The following CPQ variants were observed in gnomAD, a reference collection of about 807,000 sequenced individuals.
CPQ encodes the protein carboxypeptidase Q, also known as Ser-Met dipeptidase.
Under a neutral mutation model 45.7 loss-of-function variants are expected in CPQ, and 37 were observed. The ratio of observed to expected loss-of-function variants is 0.81; its 90% CI spans 0.62 to 1.07. The LOEUF is 1.07. CPQ is among the 50% of genes least tolerant of loss of function. The pLI, the probability that CPQ is intolerant of heterozygous loss-of-function variation, is 0.00. For missense variants in CPQ, 537 were observed against 572.9 expected (o/e 0.94, Z 0.64); for synonymous variants, 186 against 205.8 (o/e 0.90, Z 0.82).
intron 1 of CPQ, among the ~76,000 whole-genome samples, chr8:96,673,605 C>G (rs987214060): frequency 6.6e-6 from 1 of 152,036 alleles, no homozygotes; most frequent in Non-Finnish European, 1.5e-5. Flanking sequence ...TGATTTAGTT[C>G]TAGGAAGTCA....
At chr8:96,920,877 CTG>C (rs1812796785) in intron 4 of CPQ, among the ~76,000 whole-genome samples, 1 of 152,142 alleles carries the variant, frequency 6.6e-6, no homozygotes, top group Non-Finnish European at 1.5e-5. Context: ...AGCCTCCAAA[CTG>C]TGAGAAATAC....
chr8:97,078,951 T>C lies in CPQ; in HGVS notation c.1255+12741T>C, dbSNP rs547952757. 2.1e-3 allele frequency among the ~76,000 whole-genome samples: 325 copies of C among 152,058 alleles called. 2 individuals carry two copies. The highest frequency in any genetic ancestry group is 3.6e-3 in the Non-Finnish European group (242 of 67,948). On this transcript the variant is annotated intron_variant, in intron 7 of 7. Transcript: ENST00000220763. ...TAGCTAGGACTACAGGCTGGCGCCATTGTGCCCAGCTAATTTTTTTAAAAT... is the reference window on the plus strand; with the variant it reads ...TAGCTAGGACTACAGGCTGGCGCCACTGTGCCCAGCTAATTTTTTTAAAAT...
chr8:96,981,726 T>A (rs896441387), intron 5 of CPQ, among the ~76,000 whole-genome samples: 1 of 152,166 alleles, frequency 6.6e-6, no homozygotes, highest in African/African-American at 2.4e-5. Context: ...ATGCAAAACA[T>A]CTACCTAAGA....
chr8:96,951,853 G>T (rs201360214), intron 4 of CPQ, among the ~76,000 whole-genome samples: 8 of 149,282 alleles, frequency 5.4e-5, no homozygotes, highest in African/African-American at 2.0e-4. Flanking sequence ...AGAGAGAATT[G>T]TTTTTTTTTT....
At chr8:96,742,620 T>C (rs1459566715) in intron 1 of CPQ, among the ~76,000 whole-genome samples, 1 of 152,200 alleles carries the variant, frequency 6.6e-6, no homozygotes, top group African/African-American at 2.4e-5. Flanking sequence ...GTACCGGTTG[T>C]TCCTTTCCAT....
In CPQ at chr8:96,834,073, A is replaced by G. The variant is rs1811494575; in HGVS notation, c.434-900A>G. 2.0e-5 allele frequency among the ~76,000 whole-genome samples: 3 copies of G among 152,204 alleles called. No individual in the cohort carries two copies. In the South Asian group the frequency reaches 6.2e-4, roughly 32 times the overall value. On this transcript the variant is annotated intron_variant, in intron 2 of 7. Coordinates refer to ENST00000220763, the MANE Select transcript of CPQ (RefSeq NM_016134.4). ...CACTTTCTTTCTTTTAGATATATTT[A>G]GCCACTGCATCTGGCCTTTGTTGCC...
At chr8:97,095,546 C>A (rs1162432756) in intron 7 of CPQ, among the ~76,000 whole-genome samples, 3 of 152,178 alleles carry the variant, frequency 2.0e-5, no homozygotes, top group Non-Finnish European at 2.9e-5. Context: ...AACTCTTGAG[C>A]ATGACATATT....
intron 5 of CPQ, among the ~76,000 whole-genome samples, chr8:97,019,062 A>AT (rs1378050885): frequency 2.0e-5 from 3 of 152,224 alleles, no homozygotes; most frequent in African/African-American, 7.2e-5. Flanking sequence ...GCTAGAAGGG[A>AT]TTGGGGCCCT....
chr8:97,094,852 T>C (rs1811184957), intron 7 of CPQ, among the ~76,000 whole-genome samples: 1 of 152,114 alleles, frequency 6.6e-6, no homozygotes, highest in African/African-American at 2.4e-5. Context: ...CATTCCTCCT[T>C]CCAGTGCATC....
chr8:96,661,599 G>C (rs984169195), intron 1 of CPQ, among the ~76,000 whole-genome samples: 5 of 152,034 alleles, frequency 3.3e-5, no homozygotes, highest in African/African-American at 1.2e-4. Flanking sequence ...TCTCCTCCCT[G>C]TCTCTTTATG....
intron 4 of CPQ, among the ~76,000 whole-genome samples, chr8:96,919,573 C>T (rs1431433173): frequency 6.6e-6 from 1 of 152,112 alleles, no homozygotes; most frequent in Non-Finnish European, 1.5e-5. Context: ...TGGGCTGAAA[C>T]TAGAATTTCA....
chr8:96,675,888 C>T (rs1330103952), intron 1 of CPQ, among the ~76,000 whole-genome samples: 1 of 151,848 alleles, frequency 6.6e-6, no homozygotes, highest in Non-Finnish European at 1.5e-5. Flanking sequence ...TATGTGAAAA[C>T]TCTTTTTTAA....
In CPQ at chr8:96,854,956, A is replaced by G. The variant is rs572005980; in HGVS notation, c.641+19776A>G. 5.3e-5 allele frequency among the ~76,000 whole-genome samples: 8 copies of G among 152,194 alleles called. 1 individual carries two copies. Among genetic ancestry groups the G allele is most frequent in the Non-Finnish European group, 7.3e-5 (5 of 68,048 alleles). ...TTTCCAGAAAGGGAACCATGGCCAT[A>G]AATGTCATGGGAAGGTATTTAGTGG... On this transcript the variant is annotated intron_variant, in intron 3 of 7. Transcript: ENST00000220763.
At chr8:96,708,251 C>T (rs1809559504) in intron 1 of CPQ, among the ~76,000 whole-genome samples, 1 of 152,006 alleles carries the variant, frequency 6.6e-6, no homozygotes, top group African/African-American at 2.4e-5. Context: ...AAGATAGTCT[C>T]CTTATTTTAA....
At chr8:97,087,021 C>A (rs1238090602) in intron 7 of CPQ, among the ~76,000 whole-genome samples, 1 of 152,110 alleles carries the variant, frequency 6.6e-6, no homozygotes, top group Non-Finnish European at 1.5e-5. Flanking sequence ...TTTAATAAAC[C>A]TCATTATTTG....
chr8:96,762,964 T>C (rs924575965), intron 1 of CPQ, among the ~76,000 whole-genome samples: 3 of 152,162 alleles, frequency 2.0e-5, no homozygotes, highest in African/African-American at 7.2e-5. Context: ...ATATATTTTT[T>C]CACAATTCTT....
At chr8:97,094,758 T>TATA (rs776786367) in intron 7 of CPQ, among the ~76,000 whole-genome samples, 1 of 151,600 alleles carries the variant, frequency 6.6e-6, no homozygotes, top group Non-Finnish European at 1.5e-5. Flanking sequence ...GCCATTAAAA[T>TATA]ATATATATAT....
At chr8:96,858,588 A>G (rs1811885366) in intron 3 of CPQ, among the ~76,000 whole-genome samples, 1 of 152,140 alleles carries the variant, frequency 6.6e-6, no homozygotes, top group Non-Finnish European at 1.5e-5. Flanking sequence ...CTTCCTGCCC[A>G]CCAGTCTCTC....
At chr8:97,044,722 G>A (rs1225700401) in intron 6 of CPQ, among the ~76,000 whole-genome samples, 1 of 152,184 alleles carries the variant, frequency 6.6e-6, no homozygotes, top group African/African-American at 2.4e-5. Flanking sequence ...CTCAGCTGCA[G>A]GTCTGTTGGA....
Sources: allele counts gnomAD v4.1 joint callset (sites outside exome capture counted in the v4.1 genomes callset), GRCh38; gene constraint gnomAD v4.1.1; transcripts MANE v1.5; gene names NCBI Gene and HGNC (gene_info 2026-07-23, HGNC 2026-07-21).